Variants in ANO3 observed in about 807,000 individuals in gnomAD.
The protein encoded by ANO3 is anoctamin 3, also known as anoctamin-3.
ANO3 carries 99 observed loss-of-function variants against 144.8 expected under a neutral mutation model. The observed-to-expected ratio is 0.68, with a 90% CI of 0.58 to 0.81. The LOEUF is 0.81. Among genes scored for constraint, ANO3 ranks in the 30% least tolerant of loss-of-function variants. ANO3 has a pLI of 0.00. For missense variants in ANO3, 905 were observed against 1,202.2 expected (o/e 0.75, Z 3.66); for synonymous variants, 414 against 392.6 (o/e 1.05, Z -0.64).
intron 1 of ANO3, among the ~76,000 whole-genome samples, chr11:26,282,732 G>A (rs1853707876): frequency 6.6e-6 from 1 of 152,004 alleles, no homozygotes; most frequent in Admixed American, 6.6e-5. Context: ...CAAGCATCAG[G>A]GAAGATTCAG....
chr11:26,594,128 A>T (rs1159378069), intron 14 of ANO3, among the ~76,000 whole-genome samples: 4 of 152,236 alleles, frequency 2.6e-5, no homozygotes, highest in African/African-American at 9.6e-5. Context: ...TCCCTGTGTT[A>T]TAGTGGACAT....
chr11:26,647,743 A>C lies in ANO3; in HGVS notation c.2463A>C (p.Ile821=), dbSNP rs774639870. 1.1e-5 allele frequency: 17 copies of C among 1,612,348 alleles called. No homozygotes were observed. The highest frequency in any genetic ancestry group is 1.4e-5 in the Non-Finnish European group (16 of 1,179,030). The change falls in exon 24 of 27, where the codon ATA becomes ATC. Residue 821 remains isoleucine (I), a synonymous_variant. Transcript: ENST00000256737. ...TTGGAATTCTCGAAGGAATCGGTAT[A>C]TTGGCTGTGATCACCAATGCATTTG... is the stretch of plus-strand genomic sequence containing the variant. ...IWLGILEGIG[I]LAVITNAFVI...
intron 6 of ANO3, among the ~76,000 whole-genome samples, chr11:26,521,012 C>A (rs926780676): frequency 5.5e-5 from 8 of 145,382 alleles, no homozygotes; most frequent in African/African-American, 7.6e-5. Context: ...GAAGATCTTC[C>A]CAGACCAGTT....
At chr11:26,510,981 C>G (rs1286537597) in intron 5 of ANO3, among the ~76,000 whole-genome samples, 2 of 152,196 alleles carry the variant, frequency 1.3e-5, no homozygotes, top group African/African-American at 2.4e-5. Flanking sequence ...GTCCATTTGT[C>G]TACTCTTATT....
intron 13 of ANO3, among the ~76,000 whole-genome samples, chr11:26,553,546 C>A (rs1849999698): frequency 6.6e-6 from 1 of 151,982 alleles, no homozygotes. Flanking sequence ...TTTTGTCTTC[C>A]TTTGTTTTTA....
chr11:26,524,103 C>G (rs1313083492), intron 6 of ANO3, among the ~76,000 whole-genome samples: 7 of 152,088 alleles, frequency 4.6e-5, no homozygotes, highest in African/African-American at 1.7e-4. Flanking sequence ...TTCATTTATT[C>G]ATTGACCATC....
intron 2 of ANO3, 76 bp downstream of exon 2, chr11:26,442,188 TC>T: frequency 2.8e-6 from 4 of 1,422,262 alleles, no homozygotes; most frequent in Non-Finnish European, 3.9e-6. Flanking sequence ...CCTTCCTTTT[TC>T]CATTGGACCA....
At chr11:26,498,302 C>G (rs1861047762) in intron 4 of ANO3, among the ~76,000 whole-genome samples, 1 of 151,642 alleles carries the variant, frequency 6.6e-6, no homozygotes, top group Non-Finnish European at 1.5e-5. Context: ...GGGTGTATAC[C>G]ATTTTATGAT....
At position 26,542,078 on chromosome 11, in the gene ANO3, A is replaced by T. The variant is rs1482983986; in HGVS notation, c.1154+10A>T. On this transcript the variant is annotated intron_variant, in intron 11 of 26. Coordinates refer to ENST00000256737, the MANE Select transcript of ANO3 (RefSeq NM_031418.4). ...CTCTGGATTTAATCAGGTACTGCAA[A>T]TGGAACAATAATGAAAAGCAAAGTA... 4.4e-6 allele frequency: 7 copies of T among 1,605,386 alleles called. No homozygotes were observed. Among genetic ancestry groups the T allele is most frequent in the Non-Finnish European group, 5.9e-6 (7 of 1,176,532 alleles).
intron 1 of ANO3, among the ~76,000 whole-genome samples, chr11:26,424,253 C>A (rs920005814): frequency 2.2e-4 from 31 of 141,874 alleles, no homozygotes; most frequent in East Asian, 4.0e-4. Flanking sequence ...ATCTCCCCCC[C>A]CACACACACA....
chr11:26,448,541 G>A (rs1214806504), intron 3 of ANO3, among the ~76,000 whole-genome samples: 1 of 152,098 alleles, frequency 6.6e-6, no homozygotes, highest in East Asian at 1.9e-4. Flanking sequence ...AATAGTTATG[G>A]TCAAAGGAGT....
intron 1 of ANO3, among the ~76,000 whole-genome samples, chr11:26,343,004 A>C (rs1590276554): frequency 2.0e-5 from 3 of 152,254 alleles, no homozygotes; most frequent in South Asian, 4.1e-4. Context: ...TTTAATATCC[A>C]CCCTCTTAGC....
chr11:26,249,520 G>A (rs561495417), intron 1 of ANO3, among the ~76,000 whole-genome samples: 1 of 151,968 alleles, frequency 6.6e-6, no homozygotes, highest in African/African-American at 2.4e-5. Context: ...ATAGTTATGT[G>A]CTTCTTCTCC....
At chr11:26,601,539 TG>T (rs555129617) in intron 17 of ANO3, among the ~76,000 whole-genome samples, 3,218 of 78,004 alleles carry the variant, frequency 0.041, 109 homozygotes, top group African/African-American at 0.09. Flanking sequence ...TAATAAACAT[TG>T]AAAAAAAATA....
rs1358455968 is a variant in ANO3, at chr11:26,198,064, G to T, written c.154+8734G>T. Among the ~76,000 whole-genome samples, 5 of 152,080 alleles carry T rather than the reference G, an allele frequency of 3.3e-5. No individual in the cohort carries two copies. The East Asian group carries it at 9.7e-4, about 29-fold the overall frequency. ...AGTGAGGACCTCCTCCCATCACCCA[G>T]TTTCAGCAAGGCAAATGGTGGGTGG... is the stretch of plus-strand genomic sequence containing the variant. On this transcript the variant is annotated intron_variant, in intron 1 of 27. Coordinates refer to the ANO3 transcript ENST00000672621.
At chr11:26,242,041 G>A (rs993973091) in intron 1 of ANO3, among the ~76,000 whole-genome samples, 3 of 152,092 alleles carry the variant, frequency 2.0e-5, no homozygotes, top group East Asian at 1.9e-4. Context: ...ATAGTTTTCT[G>A]GACAGATGAT....
At chr11:26,473,049 T>A (rs1016593164) in intron 4 of ANO3, among the ~76,000 whole-genome samples, 4 of 151,998 alleles carry the variant, frequency 2.6e-5, no homozygotes, top group African/African-American at 9.7e-5. Flanking sequence ...AATCCCTTCA[T>A]GCCACAGACA....
intron 1 of ANO3, among the ~76,000 whole-genome samples, chr11:26,217,425 G>A (rs981950955): frequency 8.5e-5 from 12 of 141,214 alleles, no homozygotes; most frequent in African/African-American, 2.7e-4. Context: ...AACTGGTTGA[G>A]GTAAAAATGG....
intron 1 of ANO3, among the ~76,000 whole-genome samples, chr11:26,275,763 G>A (rs1418116644): frequency 6.6e-6 from 1 of 152,080 alleles, no homozygotes; most frequent in Middle Eastern, 3.2e-3. Flanking sequence ...AATAACCAAG[G>A]ACTAATATAC....
Sources: gnomAD v4.1 joint callset for allele counts (sites outside exome capture counted in the v4.1 genomes callset) on GRCh38, gnomAD v4.1.1 for gene constraint, MANE v1.5 for transcripts, NCBI Gene and HGNC (gene_info 2026-07-23, HGNC 2026-07-21) for gene names.